The following AGBL3 variants were observed in gnomAD, a reference collection of about 807,000 sequenced individuals.
The protein encoded by AGBL3 is cytosolic carboxypeptidase 3.
AGBL3 carries 68 observed loss-of-function variants against 94.5 expected under a neutral mutation model. The ratio of observed to expected loss-of-function variants is 0.72; its 90% CI spans 0.59 to 0.88. The LOEUF is 0.88. Ranked by LOEUF, AGBL3 falls within the 40% of genes least tolerant of loss-of-function variation. AGBL3 has a pLI of 0.00. For synonymous variants in AGBL3, 354 were observed against 370.7 expected, an observed-to-expected ratio of 0.95 and a Z score of 0.52; for missense variants, 934 against 1,103.8, an observed-to-expected ratio of 0.85 and a Z score of 2.18.
intron 13 of AGBL3, among the ~76,000 whole-genome samples, chr7:135,078,899 AACTG>A (rs1355110962): frequency 1.1e-4 from 17 of 152,198 alleles, no homozygotes; most frequent in Non-Finnish European, 1.8e-4. Flanking sequence ...CATGCTCTCG[AACTG>A]ACTATTTCTT....
At chr7:135,091,364 C>T (rs1395873180) in intron 15 of AGBL3, among the ~76,000 whole-genome samples, 1 of 152,058 alleles carries the variant, frequency 6.6e-6, no homozygotes, top group Non-Finnish European at 1.5e-5. Context: ...ATACTCAAGT[C>T]CCACAGTCAG....
chr7:135,016,859 G>A (rs1813863956), intron 4 of AGBL3, among the ~76,000 whole-genome samples, 193 bp from the exon 5 acceptor site: 1 of 152,114 alleles, frequency 6.6e-6, no homozygotes, highest in Admixed American at 6.5e-5. Flanking sequence ...AAGAAGATAT[G>A]AATGAAATGT....
intron 15 of AGBL3, among the ~76,000 whole-genome samples, chr7:135,096,163 A>G (rs1458734305): frequency 2.0e-5 from 3 of 151,834 alleles, no homozygotes; most frequent in Non-Finnish European, 4.4e-5. Flanking sequence ...AAAAAAAAAA[A>G]TTAATCTTTG....
chr7:135,104,986 G>A (rs1824439127), intron 15 of AGBL3, among the ~76,000 whole-genome samples: 1 of 151,140 alleles, frequency 6.6e-6, no homozygotes, highest in South Asian at 2.1e-4. Flanking sequence ...TCCTTGTCAT[G>A]AAATTTTTGC....
intron 16 of AGBL3, among the ~76,000 whole-genome samples, chr7:135,118,529 C>G (rs1332659743): frequency 6.6e-6 from 1 of 152,128 alleles, no homozygotes; most frequent in Non-Finnish European, 1.5e-5. Flanking sequence ...ACTCCCTGAG[C>G]TGGAGCAAAC....
At chr7:135,133,121 T>C (rs1347485009) in intron 16 of AGBL3, among the ~76,000 whole-genome samples, 1 of 151,956 alleles carries the variant, frequency 6.6e-6, no homozygotes, top group Non-Finnish European at 1.5e-5. Context: ...TAATAAGTTA[T>C]GCTAGGCCTC....
At position 135,016,932 on chromosome 7, in the gene AGBL3, C is replaced by T. The variant is rs529986343; in HGVS notation, c.311-120C>T. The T allele has an allele frequency of 1.1e-4, 75 of 679,746 alleles. No individual in the cohort carries two copies. In the South Asian group the frequency reaches 1.2e-3, roughly 10 times the overall value. The allele number at this position is 679,746 out of a possible 1,614,324, so 42.1% of individuals were successfully genotyped here. ...CAATGAACCCTTAGTAAAATCTTAC[C>T]CCACACAAAACACTACATTTTAGCC... On this transcript the variant is annotated intron_variant, in intron 4 of 16. Coordinates refer to ENST00000436302, the MANE Select transcript of AGBL3 (RefSeq NM_178563.4).
intron 11 of AGBL3, among the ~76,000 whole-genome samples, chr7:135,055,139 C>T (rs1029446689): frequency 1.3e-4 from 20 of 152,280 alleles, no homozygotes; most frequent in African/African-American, 3.6e-4. Flanking sequence ...AGTGAGAACC[C>T]GGTCATTCAT....
At chr7:135,092,230 G>C (rs1821957829) in intron 15 of AGBL3, 1 of 152,138 alleles carries the variant, frequency 6.6e-6, no homozygotes, top group Non-Finnish European at 1.5e-5. Flanking sequence ...AAAGAGAAAA[G>C]TAACTTATGA....
intron 15 of AGBL3, among the ~76,000 whole-genome samples, chr7:135,088,524 C>A (rs548373421): frequency 3.7e-4 from 56 of 151,886 alleles, no homozygotes; most frequent in Non-Finnish European, 6.3e-4. Context: ...TATCTTTTTC[C>A]TTCCAAATGT....
At chr7:135,006,221 A>T (rs566696536) in intron 4 of AGBL3, among the ~76,000 whole-genome samples, 1 of 151,622 alleles carries the variant, frequency 6.6e-6, no homozygotes, top group East Asian at 1.9e-4. Flanking sequence ...TTTTATTTTT[A>T]TTTTTTTTAA....
At chr7:135,021,104 T>A (rs1283691691) in intron 5 of AGBL3, among the ~76,000 whole-genome samples, 4 of 151,954 alleles carry the variant, frequency 2.6e-5, no homozygotes, top group African/African-American at 9.7e-5. Context: ...CCAGCCACCT[T>A]TATTAAATGT....
rs901303598 is a variant in AGBL3, at chr7:135,081,935, A to G, written c.2110+145A>G. 4 of 497,712 alleles carry G rather than the reference A, an allele frequency of 8.0e-6. No individual in the cohort carries two copies. The East Asian group carries it at 9.3e-5, about 12-fold the overall frequency. The allele number at this position is 497,712 out of a possible 1,614,324, so 30.8% of individuals were successfully genotyped here. A position where few individuals can be genotyped will look rare whatever the true frequency, so the allele number is the denominator to read the frequency against. On this transcript the variant is annotated intron_variant, in intron 15 of 16. Transcript: ENST00000436302. ...CTTTTAATTTTACCCAGTCAAAACC[A>G]AAACAAAAGAATATTCATCTCATTG... is the stretch of plus-strand genomic sequence containing the variant.
chr7:135,132,451 G>A (rs79348253), intron 16 of AGBL3, among the ~76,000 whole-genome samples: 4,875 of 152,132 alleles, frequency 0.032, 100 homozygotes, highest in Middle Eastern at 0.051. Context: ...ATTGGTATTC[G>A]ACAGAATTCA....
intron 4 of AGBL3, chr7:135,010,830 G>A (rs1243129521): frequency 6.6e-6 from 1 of 152,108 alleles, no homozygotes; most frequent in Non-Finnish European, 1.5e-5. Context: ...AAAGACCTAA[G>A]TAAATAGAGG....
rs1403858681 is a variant in AGBL3 at position 134,993,585 on chromosome 7, A to G, written c.217A>G (p.Arg73Gly). ...GRWVPRLREP[R>G]DLYGVSSSGP... ...ATGGGTGCCACGTCTTCGTGAACCA[A>G]GGGATTTATATGGTGTCTCTTCTTC... Residue 73 changes from arginine (R) to glycine (G), a missense_variant, in exon 4 of 17, where the codon AGG (arginine) becomes GGG (glycine). Arg to Gly is a moderately radical substitution (Grantham distance 125). Transcript: ENST00000436302. 3 of 1,552,026 alleles carry G rather than the reference A, an allele frequency of 1.9e-6. No individual in the cohort carries two copies. The highest frequency in any genetic ancestry group is 2.6e-6 in the Non-Finnish European group (3 of 1,147,034).
chr7:135,124,408 G>A (rs1484069046), intron 16 of AGBL3, among the ~76,000 whole-genome samples: 2 of 152,180 alleles, frequency 1.3e-5, no homozygotes, highest in Non-Finnish European at 2.9e-5. Flanking sequence ...CAAGTTCTTA[G>A]AGACCCAAAA....
At chr7:135,035,371 G>A (rs1439414608) in intron 7 of AGBL3, among the ~76,000 whole-genome samples, 2 of 152,008 alleles carry the variant, frequency 1.3e-5, no homozygotes, top group South Asian at 2.1e-4. Context: ...TAAGGCAGGA[G>A]TCTATTCAGC....
intron 15 of AGBL3, among the ~76,000 whole-genome samples, chr7:135,101,920 A>G (rs1156295648): frequency 6.6e-6 from 1 of 152,142 alleles, no homozygotes; most frequent in Non-Finnish European, 1.5e-5. Flanking sequence ...CATGATAGTA[A>G]ATAAGTCTCA....
Sources: allele counts gnomAD v4.1 joint callset (sites outside exome capture counted in the v4.1 genomes callset), GRCh38; gene constraint gnomAD v4.1.1; transcripts MANE v1.5; gene names NCBI Gene and HGNC (gene_info 2026-07-23, HGNC 2026-07-21).